Variants in SLC35D4 observed in about 807,000 individuals in gnomAD.
The protein encoded by SLC35D4 is UDP-N-acetylglucosamine transporter SLC35D4.
the SLC35D4 span, among the ~76,000 whole-genome samples, chr18:23,262,272 A>G: frequency 6.6e-6 from 1 of 152,228 alleles, no homozygotes; most frequent in Admixed American, 6.5e-5. Context: ...CAGCTAACAT[A>G]TTGGTCCCAA....
At chr18:23,371,405 A>G in the SLC35D4 span, 2 of 1,559,702 alleles carry the variant, frequency 1.3e-6, no homozygotes, top group East Asian at 2.4e-5. Flanking sequence ...TTACATAATA[A>G]TTCTTTTAAA....
At chr18:23,251,104 G>A in the SLC35D4 span, among the ~76,000 whole-genome samples, 2 of 152,188 alleles carry the variant, frequency 1.3e-5, no homozygotes, top group Non-Finnish European at 2.9e-5. Flanking sequence ...CCAGGGAATC[G>A]ACCTTCACAT....
chr18:23,354,418 G>T, the SLC35D4 span, among the ~76,000 whole-genome samples: 1 of 151,532 alleles, frequency 6.6e-6, no homozygotes, highest in South Asian at 2.1e-4. Flanking sequence ...CTACTCGGGA[G>T]GCTGAGGCAG....
the SLC35D4 span, among the ~76,000 whole-genome samples, chr18:23,408,101 C>A: frequency 1.3e-4 from 19 of 151,752 alleles, no homozygotes; most frequent in African/African-American, 4.4e-4. Flanking sequence ...ATCTGTGAGT[C>A]CTTCTTACCC....
At chr18:23,416,552 G>A in the SLC35D4 span, among the ~76,000 whole-genome samples, 2 of 152,198 alleles carry the variant, frequency 1.3e-5, no homozygotes, top group Non-Finnish European at 2.9e-5. Flanking sequence ...ACGAAAGAAC[G>A]TGGGTGCTGG....
At chr18:23,283,471 CAAAAAAAAA>C in the SLC35D4 span, among the ~76,000 whole-genome samples, 2 of 44,436 alleles carry the variant, frequency 4.5e-5, no homozygotes, top group Non-Finnish European at 8.6e-5. Flanking sequence ...GACCCAGTCT[CAAAAAAAAA>C]AAAAAAAAAA....
the SLC35D4 span, among the ~76,000 whole-genome samples, chr18:23,305,334 T>A: frequency 6.6e-6 from 1 of 152,086 alleles, no homozygotes; most frequent in Non-Finnish European, 1.5e-5. Flanking sequence ...AACTCCCTCA[T>A]GAGCTTCCGC....
chr18:23,355,963 T>C, the SLC35D4 span, among the ~76,000 whole-genome samples: 1 of 152,042 alleles, frequency 6.6e-6, no homozygotes, highest in African/African-American at 2.4e-5. Context: ...CATGATGAGG[T>C]CAAGCAGAGT....
chr18:23,435,180 AAAAG>A, the SLC35D4 span, among the ~76,000 whole-genome samples: 2 of 151,996 alleles, frequency 1.3e-5, no homozygotes, highest in Admixed American at 1.3e-4. Flanking sequence ...ATTAGAAAAG[AAAAG>A]AAAGAAAGAA....
the SLC35D4 span, chr18:23,257,546 G>A: frequency 4.8e-6 from 3 of 631,216 alleles, no homozygotes; most frequent in Non-Finnish European, 7.7e-6. Context: ...GTAGCCAAGA[G>A]GAGCCATGAG....
the SLC35D4 span, among the ~76,000 whole-genome samples, chr18:23,382,239 C>CAA: frequency 0.012 from 877 of 75,446 alleles, 13 homozygotes; most frequent in African/African-American, 0.028. Flanking sequence ...GACTCAGTCT[C>CAA]AAAAAAAAAA....
chr18:23,384,286 G>A, the SLC35D4 span, among the ~76,000 whole-genome samples: 1 of 151,740 alleles, frequency 6.6e-6, no homozygotes, highest in Non-Finnish European at 1.5e-5. Context: ...GCAAGACCCT[G>A]TCTCTAAAAA....
chr18:23,380,713 A>C, the SLC35D4 span, among the ~76,000 whole-genome samples: 1 of 152,192 alleles, frequency 6.6e-6, no homozygotes, highest in Non-Finnish European at 1.5e-5. Flanking sequence ...ATATTAAACT[A>C]TAATAAATAA....
At chr18:23,246,899 G>T in the SLC35D4 span, among the ~76,000 whole-genome samples, 1 of 152,102 alleles carries the variant, frequency 6.6e-6, no homozygotes, top group Non-Finnish European at 1.5e-5. Flanking sequence ...TACCATGTTG[G>T]CCAAGCTGGT....
chr18:23,437,209 G>A, the SLC35D4 span, among the ~76,000 whole-genome samples: 1 of 152,158 alleles, frequency 6.6e-6, no homozygotes, highest in Non-Finnish European at 1.5e-5. Context: ...TTTTCATGAT[G>A]TCATGACATT....
the SLC35D4 span, among the ~76,000 whole-genome samples, chr18:23,377,260 C>T: frequency 2.6e-5 from 4 of 152,226 alleles, no homozygotes; most frequent in Non-Finnish European, 5.9e-5. Context: ...GATCCCAGGA[C>T]TTCCAGGCTG....
the SLC35D4 span, among the ~76,000 whole-genome samples, chr18:23,295,306 C>T: frequency 1.3e-5 from 2 of 151,720 alleles, no homozygotes; most frequent in Non-Finnish European, 2.9e-5. Flanking sequence ...CAGCAAACCA[C>T]CACGGCACAC....
chr18:23,289,814 C>T, the SLC35D4 span, among the ~76,000 whole-genome samples: 4 of 152,146 alleles, frequency 2.6e-5, no homozygotes, highest in Admixed American at 2.6e-4. Flanking sequence ...CTTCTCCTGG[C>T]TCATCCTGGC....
chr18:23,404,262 C>T, the SLC35D4 span, among the ~76,000 whole-genome samples: 1 of 152,228 alleles, frequency 6.6e-6, no homozygotes, highest in African/African-American at 2.4e-5. Context: ...TCTGCGTCCC[C>T]TCAAAAGTCA....
Sources: gnomAD v4.1 joint callset for allele counts (sites outside exome capture counted in the v4.1 genomes callset) on GRCh38, gnomAD v4.1.1 for gene constraint, MANE v1.5 for transcripts, NCBI Gene and HGNC (gene_info 2026-07-23, HGNC 2026-07-21) for gene names.